ARG1: variants seen among roughly 807,000 people sequenced by gnomAD.
The protein encoded by ARG1 is arginase 1.
In ARG1, 20 loss-of-function variants were observed where a neutral mutation model predicts 33.0. The ratio of observed to expected loss-of-function variants is 0.61; its 90% CI spans 0.43 to 0.88. The LOEUF (loss-of-function observed/expected upper bound fraction) is 0.88. Among genes scored for constraint, ARG1 ranks in the 40% least tolerant of loss-of-function variants. ARG1 has a pLI of 0.00. For missense variants in ARG1, 374 were observed against 384.7 expected, an observed-to-expected ratio of 0.97 and a Z score of 0.23; for synonymous variants, 146 against 140.6, an observed-to-expected ratio of 1.04 and a Z score of -0.27.
At chr6:131,573,736 T>C (rs945219209) in intron 1 of ARG1, among the ~76,000 whole-genome samples, 2 of 152,246 alleles carry the variant, frequency 1.3e-5, no homozygotes, top group African/African-American at 4.8e-5. Context: ...TGTTTAGTTA[T>C]GTAATTAATG....
chr6:131,576,560 A>G, intron 1 of ARG1, 103 bp from the exon 2 acceptor site: 1 of 1,144,542 alleles, frequency 8.7e-7, no homozygotes, highest in Non-Finnish European at 1.3e-6. Context: ...AGCTCAAAAA[A>G]TGATAGTTAC....
chr6:131,582,809 A>C (rs1482778248), intron 5 of ARG1, 94 bp downstream of exon 5: 2 of 1,037,422 alleles, frequency 1.9e-6, no homozygotes, highest in African/African-American at 1.6e-5. Context: ...AAAATTAAAC[A>C]TCAAGACACA....
chr6:131,573,933 A>G (rs1227349573), intron 1 of ARG1: 7 of 329,174 alleles, frequency 2.1e-5, no homozygotes, highest in Non-Finnish European at 4.0e-5. Flanking sequence ...GGGGAAAAAA[A>G]GAACAAAAAA....
intron 1 of ARG1, among the ~76,000 whole-genome samples, chr6:131,576,415 C>CACTT (rs1400119890): frequency 6.6e-6 from 1 of 152,182 alleles, no homozygotes; most frequent in Non-Finnish European, 1.5e-5. Context: ...TAGGCTCTGC[C>CACTT]ACTTATTAGC....
intron 7 of ARG1, 98 bp from the exon 8 acceptor site, chr6:131,583,644 A>G (rs188114606): frequency 5.0e-5 from 76 of 1,523,898 alleles, no homozygotes; most frequent in Middle Eastern, 1.7e-4. Flanking sequence ...ATCGGTTACT[A>G]CCTTTTTCTG....
chr6:131,583,554 T>G (rs891232444), intron 7 of ARG1, 63 bp downstream of exon 7: 2 of 1,469,484 alleles, frequency 1.4e-6, no homozygotes, highest in Non-Finnish European at 1.8e-6. Context: ...TATTTATACC[T>G]CCTTGACCTG....
At chr6:131,576,840 T>C in intron 2 of ARG1, 105 bp downstream of exon 2, 1 of 1,025,478 alleles carries the variant, frequency 9.8e-7, no homozygotes, top group Non-Finnish European at 1.5e-6. Flanking sequence ...TACATCAGAA[T>C]TGCGGTACTG....
intron 3 of ARG1, 50 bp from the exon 4 acceptor site, chr6:131,581,169 T>C: frequency 6.3e-7 from 1 of 1,578,798 alleles, no homozygotes. Flanking sequence ...ATATGATGTA[T>C]GTAGTGACAC....
rs1402847913 is a variant in ARG1 at position 131,584,095 on chromosome 6, A to G, written c.*187A>G. The G allele has an allele frequency of 1.2e-5, 8 of 667,888 alleles. No individual in the cohort carries two copies. Among genetic ancestry groups the G allele is most frequent in the Middle Eastern group, 4.2e-4 (1 of 2,402 alleles). 41.4% of individuals were successfully genotyped at this position (667,888 alleles called of 1,614,324 possible). A position where few individuals can be genotyped will look rare whatever the true frequency, so the allele number is the denominator to read the frequency against. ...ATGTGGAAATTCTAACTTTTTTGAAATTTAAAAGCTTATATTTTCTAACTT... is the reference window on the plus strand; with the variant it reads ...ATGTGGAAATTCTAACTTTTTTGAAGTTTAAAAGCTTATATTTTCTAACTT... On this transcript the variant is annotated 3_prime_UTR_variant, in exon 8 of 8. Coordinates refer to ENST00000368087, the MANE Select transcript of ARG1 (RefSeq NM_000045.4).
At chr6:131,582,996 A>G (rs1774012929) in intron 5 of ARG1, 64 bp from the exon 6 acceptor site, 5 of 1,174,284 alleles carry the variant, frequency 4.3e-6, no homozygotes, top group East Asian at 2.6e-5. Context: ...TATTTCCCTT[A>G]AAAGGAGACA....
At chr6:131,579,693 A>G (rs1773816453) in intron 3 of ARG1, 1 of 159,770 alleles carries the variant, frequency 6.3e-6, no homozygotes, top group South Asian at 1.7e-4. Flanking sequence ...CATTTTTGAA[A>G]GCATCAGACA....
intron 6 of ARG1, 63 bp from the exon 7 acceptor site, chr6:131,583,292 T>A: frequency 1.2e-6 from 2 of 1,610,864 alleles, no homozygotes; most frequent in Non-Finnish European, 1.7e-6. Flanking sequence ...AGTTAACAGA[T>A]TATTATCTAT....
intron 3 of ARG1, among the ~76,000 whole-genome samples, chr6:131,581,011 C>T (rs892102847): frequency 4.6e-5 from 7 of 152,066 alleles, no homozygotes; most frequent in African/African-American, 1.4e-4. Context: ...GTAATGCAAT[C>T]GATGTAAATA....
intron 1 of ARG1, among the ~76,000 whole-genome samples, chr6:131,574,655 C>T: frequency 6.6e-6 from 1 of 151,984 alleles, no homozygotes; most frequent in African/African-American, 2.4e-5. Context: ...AAATGGCCAA[C>T]ATATAAGTAT....
intron 1 of ARG1, among the ~76,000 whole-genome samples, chr6:131,574,593 A>G (rs1307822719): frequency 6.6e-6 from 1 of 152,206 alleles, no homozygotes; most frequent in Non-Finnish European, 1.5e-5. Flanking sequence ...TCATGATTGT[A>G]AGGACTAAGA....
At chr6:131,582,820 C>A in intron 5 of ARG1, 105 bp downstream of exon 5, 1 of 924,370 alleles carries the variant, frequency 1.1e-6, no homozygotes, top group Non-Finnish European at 1.8e-6. Context: ...TCAAGACACA[C>A]ACACACACAC....
At chr6:131,575,995 T>A (rs1773593053) in intron 1 of ARG1, among the ~76,000 whole-genome samples, 1 of 152,212 alleles carries the variant, frequency 6.6e-6, no homozygotes, top group Non-Finnish European at 1.5e-5. Flanking sequence ...GTCTCTTTCA[T>A]GTCACACTCT....
At chr6:131,576,587 T>G (rs1773622837) in intron 1 of ARG1, 76 bp from the exon 2 acceptor site, 22 of 1,376,246 alleles carry the variant, frequency 1.6e-5, no homozygotes, top group African/African-American at 1.6e-4. Flanking sequence ...ACTGATTAAA[T>G]AATGAAAAGG....
intron 3 of ARG1, among the ~76,000 whole-genome samples, chr6:131,580,830 G>A (rs1484295682): frequency 1.3e-5 from 2 of 152,174 alleles, no homozygotes; most frequent in Non-Finnish European, 2.9e-5. Flanking sequence ...TACCAAGAGA[G>A]ATGAGTGTAC....
Sources: allele counts gnomAD v4.1 joint callset (sites outside exome capture counted in the v4.1 genomes callset), GRCh38; gene constraint gnomAD v4.1.1; transcripts MANE v1.5; gene names NCBI Gene and HGNC (gene_info 2026-07-23, HGNC 2026-07-21).